Variants in SNX29 observed in about 807,000 individuals in gnomAD.
SNX29 encodes sorting nexin-29.
SNX29 carries 78 observed loss-of-function variants against 102.1 expected under a neutral mutation model. That is an observed-to-expected ratio of 0.76 (90% confidence interval 0.64 to 0.92). SNX29 has a LOEUF of 0.92. Among genes scored for constraint, SNX29 ranks in the 40% least tolerant of loss-of-function variants. The pLI is 0.00. For synonymous variants in SNX29, 580 were observed against 414.5 expected, an observed-to-expected ratio of 1.40 and a Z score of -4.85; for missense variants, 1,280 against 1,061.7, an observed-to-expected ratio of 1.21 and a Z score of -2.86.
intron 20 of SNX29, among the ~76,000 whole-genome samples, chr16:12,559,440 C>A (rs1451192065): frequency 6.6e-6 from 1 of 151,280 alleles, no homozygotes; most frequent in Non-Finnish European, 1.5e-5. Context: ...CTCAGGGCTC[C>A]CAATGATTCT....
intron 19 of SNX29, among the ~76,000 whole-genome samples, chr16:12,491,115 A>G (rs974560727): frequency 6.6e-5 from 10 of 152,254 alleles, no homozygotes; most frequent in African/African-American, 2.2e-4. Context: ...TAACTGCTAC[A>G]CTTGCCGATA....
intron 18 of SNX29, among the ~76,000 whole-genome samples, chr16:12,432,429 A>G (rs1409634648): frequency 6.6e-6 from 1 of 152,216 alleles, no homozygotes; most frequent in Non-Finnish European, 1.5e-5. Context: ...GGGTTTGGGC[A>G]CTTAGCCCAG....
At chr16:12,427,968 C>A (rs2085152049) in intron 18 of SNX29, among the ~76,000 whole-genome samples, 1 of 152,208 alleles carries the variant, frequency 6.6e-6, no homozygotes. Flanking sequence ...GCTTCATTTG[C>A]CAAATGTGCC....
rs952375630 is a variant in SNX29, at chr16:12,570,966, G to A, written c.*2337G>A. 2 of 232,308 alleles carry A rather than the reference G, an allele frequency of 8.6e-6. No homozygotes were observed. The allele number at this position is 232,308 out of a possible 1,614,324, so 14.4% of individuals were successfully genotyped here. ...ACATGGGGACCATCCCCAGCTGCCT[G>A]CTCCTGGTACCTCCCCCATGATCAT... On this transcript the variant is annotated 3_prime_UTR_variant, in exon 21 of 21. Transcript: ENST00000566228.
intron 19 of SNX29, among the ~76,000 whole-genome samples, chr16:12,513,361 C>T (rs1207561988): frequency 6.6e-6 from 1 of 150,764 alleles, no homozygotes; most frequent in African/African-American, 2.4e-5. Context: ...CTCTTCTCCT[C>T]AGCCTTCCTC....
intron 13 of SNX29, among the ~76,000 whole-genome samples, chr16:12,189,817 A>C (rs888585166): frequency 2.3e-4 from 35 of 152,182 alleles, no homozygotes; most frequent in African/African-American, 7.2e-4. Flanking sequence ...ATAATAATGG[A>C]TTATAAGCTG....
At chr16:12,337,326 C>T (rs2081481107) in intron 15 of SNX29, among the ~76,000 whole-genome samples, 1 of 151,796 alleles carries the variant, frequency 6.6e-6, no homozygotes. Flanking sequence ...TTAAGGTATG[C>T]AATGCGATGG....
At chr16:12,312,282 G>A (rs953664705) in intron 15 of SNX29, among the ~76,000 whole-genome samples, 24 of 152,300 alleles carry the variant, frequency 1.6e-4, no homozygotes, top group Non-Finnish European at 2.8e-4. Context: ...CACTTGCTGC[G>A]CTGTCGTTTA....
chr16:12,531,607 A>G (rs2076934359), intron 20 of SNX29, among the ~76,000 whole-genome samples: 1 of 152,194 alleles, frequency 6.6e-6, no homozygotes, highest in African/African-American at 2.4e-5. Flanking sequence ...AGAGTTGAGT[A>G]GGTGACTAGG....
intron 1 of SNX29, among the ~76,000 whole-genome samples, chr16:11,982,958 T>G (rs1368701501): frequency 6.6e-6 from 1 of 152,148 alleles, no homozygotes; most frequent in African/African-American, 2.4e-5. Flanking sequence ...TGAGACAGAT[T>G]CTCACTGTGT....
intron 20 of SNX29, among the ~76,000 whole-genome samples, chr16:12,558,183 TAATA>T (rs1252111469): frequency 1.3e-5 from 2 of 151,794 alleles, no homozygotes; most frequent in African/African-American, 4.8e-5. Context: ...TCTCAGTTTT[TAATA>T]ATTACGGTTT....
chr16:12,459,078 G>C (rs1256566865), intron 18 of SNX29, among the ~76,000 whole-genome samples: 3 of 47,528 alleles, frequency 6.3e-5, no homozygotes, highest in Non-Finnish European at 1.2e-4. Flanking sequence ...CTCCTCCCCG[G>C]TCCACTCCCC....
At chr16:12,522,410 A>G (rs75899986) in intron 19 of SNX29, among the ~76,000 whole-genome samples, 3 of 151,906 alleles carry the variant, frequency 2.0e-5, no homozygotes, top group Non-Finnish European at 2.9e-5. Flanking sequence ...TCTTCTTTTT[A>G]TTCTGATTTT....
chr16:12,071,699 T>C (rs927129196), intron 10 of SNX29, among the ~76,000 whole-genome samples: 4 of 152,100 alleles, frequency 2.6e-5, no homozygotes, highest in African/African-American at 7.3e-5. Context: ...TTTTTTCCAA[T>C]TTGTGAAGAA....
chr16:12,382,327 C>T (rs1401497281), intron 16 of SNX29, among the ~76,000 whole-genome samples: 6 of 152,176 alleles, frequency 3.9e-5, no homozygotes, highest in South Asian at 2.1e-4. Flanking sequence ...CTTGCTCCGT[C>T]GGACCCCACA....
chr16:12,541,195 A>T (rs1641889), intron 20 of SNX29, among the ~76,000 whole-genome samples: 2,116 of 152,202 alleles, frequency 0.014, 20 homozygotes, highest in Middle Eastern at 0.02. Context: ...TCTATCCTGA[A>T]GTATTATGGA....
chr16:12,340,827 GGA>G (rs1285264873), intron 15 of SNX29, among the ~76,000 whole-genome samples: 1 of 152,286 alleles, frequency 6.6e-6, no homozygotes, highest in African/African-American at 2.4e-5. Context: ...ATCCTCCAGT[GGA>G]GAGTGTTCCT....
chr16:12,126,383 AG>A (rs2054215332), intron 11 of SNX29, among the ~76,000 whole-genome samples: 1 of 152,222 alleles, frequency 6.6e-6, no homozygotes, highest in Non-Finnish European at 1.5e-5. Context: ...TGGTGCTCAG[AG>A]GGGGTTGCTA....
intron 14 of SNX29, among the ~76,000 whole-genome samples, chr16:12,227,725 C>A (rs2077653086): frequency 6.6e-6 from 1 of 151,734 alleles, no homozygotes; most frequent in Non-Finnish European, 1.5e-5. Context: ...CATGGCGAAA[C>A]CCAGTCTCTA....
Sources: gnomAD v4.1 joint callset for allele counts (sites outside exome capture counted in the v4.1 genomes callset) on GRCh38, gnomAD v4.1.1 for gene constraint, MANE v1.5 for transcripts, NCBI Gene and HGNC (gene_info 2026-07-23, HGNC 2026-07-21) for gene names.